PDS5B: variants seen among roughly 807,000 people sequenced by gnomAD.
PDS5B encodes PDS5 cohesin associated factor B, also known as sister chromatid cohesion protein PDS5 homolog B.
A neutral mutation model predicts 184.1 loss-of-function variants in PDS5B; 51 were observed. The observed-to-expected ratio is 0.28, with a 90% CI of 0.22 to 0.35. PDS5B has a LOEUF of 0.35. PDS5B is among the 10% of genes least tolerant of loss of function. The pLI is 1.00. For missense variants in PDS5B, 1,180 were observed against 1,723.3 expected (o/e 0.68, Z 5.58); for synonymous variants, 566 against 569.2 (o/e 0.99, Z 0.08).
intron 1 of PDS5B, among the ~76,000 whole-genome samples, chr13:32,597,694 A>C (rs1297792976): frequency 6.6e-6 from 1 of 151,846 alleles, no homozygotes; most frequent in East Asian, 1.9e-4. Context: ...AAAAAATACA[A>C]AAATTAGTTG....
intron 10 of PDS5B, among the ~76,000 whole-genome samples, chr13:32,683,059 CTGGAGTACAG>C (rs1245233478): frequency 6.6e-6 from 1 of 151,996 alleles, no homozygotes; most frequent in Non-Finnish European, 1.5e-5. Context: ...GTCACCCAGA[CTGGAGTACAG>C]TGGCACGATC....
At chr13:32,742,802 G>T in intron 23 of PDS5B, 75 bp downstream of exon 23, 14 of 1,287,314 alleles carry the variant, frequency 1.1e-5, no homozygotes, top group East Asian at 4.8e-5. Context: ...CAATGGTGCT[G>T]TTTCTTTTTC....
intron 1 of PDS5B, among the ~76,000 whole-genome samples, chr13:32,635,948 T>A (rs1170356944): frequency 6.6e-6 from 1 of 151,860 alleles, no homozygotes; most frequent in Non-Finnish European, 1.5e-5. Context: ...TTTTTGTATT[T>A]TTAGTAGAGA....
At position 32,719,355 on chromosome 13, in the gene PDS5B, G is replaced by T. The variant is rs539598115; in HGVS notation, c.2123+9249G>T. Reference sequence around the variant, plus strand: ...ATGCCACCATGCTTGTCTAAATTTTGTATTTTTTGTAGAGACAGGGTTTTG... The same window carrying T: ...ATGCCACCATGCTTGTCTAAATTTTTTATTTTTTGTAGAGACAGGGTTTTG... On this transcript the variant is annotated intron_variant, in intron 19 of 34. Coordinates refer to ENST00000315596, the MANE Select transcript of PDS5B (RefSeq NM_015032.4). Among the ~76,000 whole-genome samples the T allele has an allele frequency of 7.2e-5, 11 of 152,054 alleles. No homozygotes were observed. In the South Asian group the frequency reaches 2.3e-3, roughly 32 times the overall value.
At position 32,755,863 on chromosome 13, in the gene PDS5B, C is replaced by A; in HGVS notation, c.2963C>A (p.Pro988Gln). ...AVSEKLLSLL[P>Q]EYVVPYTIHL... is the part of the protein sequence containing the mutation. ...TCAGAAAAATTATTGTCTCTTCTAC[C>A]AGAGTATGTTGTTCCATATACAATT... is the stretch of plus-strand genomic sequence containing the variant. The change falls in exon 26 of 35, where the codon CCA becomes CAA. Residue 988 changes from proline (P) to glutamine (Q), a missense_variant. By Grantham distance (76) the Pro-to-Gln change is moderately conservative. Coordinates refer to ENST00000315596, the MANE Select transcript of PDS5B (RefSeq NM_015032.4). 7.0e-7 allele frequency: 1 copy of A among 1,431,956 alleles called. No homozygotes were observed. Among genetic ancestry groups the A allele is most frequent in the Non-Finnish European group, 9.5e-7 (1 of 1,052,006 alleles). 88.7% of individuals were successfully genotyped at this position (1,431,956 alleles called of 1,614,324 possible). A position where few individuals can be genotyped will look rare whatever the true frequency, so the allele number is the denominator to read the frequency against.
chr13:32,676,138 T>G (rs943561698), intron 9 of PDS5B, among the ~76,000 whole-genome samples, 179 bp downstream of exon 9: 2 of 152,222 alleles, frequency 1.3e-5, no homozygotes, highest in Admixed American at 6.5e-5. Flanking sequence ...CTTTTTAGTC[T>G]TTATCCTCAG....
chr13:32,693,596 A>T (rs1252614878), intron 13 of PDS5B, among the ~76,000 whole-genome samples: 1 of 151,182 alleles, frequency 6.6e-6, no homozygotes, highest in Non-Finnish European at 1.5e-5. Context: ...AGATTTCCTT[A>T]AAAATTTTTA....
chr13:32,755,802 T>C, intron 25 of PDS5B, 40 bp from the exon 26 acceptor site: 1 of 1,034,094 alleles, frequency 9.7e-7, no homozygotes, highest in Non-Finnish European at 1.4e-6. Flanking sequence ...TTGCTTTTTC[T>C]TTTGTTTTTT....
At chr13:32,599,061 C>T (rs1419916071) in intron 1 of PDS5B, among the ~76,000 whole-genome samples, 4 of 151,760 alleles carry the variant, frequency 2.6e-5, no homozygotes, top group Non-Finnish European at 5.9e-5. Context: ...TGAGCCACCA[C>T]GCCCAGCCTC....
chr13:32,719,668 A>G (rs774099668), intron 19 of PDS5B, among the ~76,000 whole-genome samples: 1 of 152,184 alleles, frequency 6.6e-6, no homozygotes, highest in Non-Finnish European at 1.5e-5. Flanking sequence ...GTGAGGAACC[A>G]CTATTTAGAT....
At chr13:32,731,779 T>G (rs1359242609) in intron 19 of PDS5B, among the ~76,000 whole-genome samples, 1 of 152,008 alleles carries the variant, frequency 6.6e-6, no homozygotes, top group Non-Finnish European at 1.5e-5. Flanking sequence ...TGGCAGAAGT[T>G]TAGCTGGAAT....
chr13:32,727,108 T>C (rs963924618), intron 19 of PDS5B, among the ~76,000 whole-genome samples: 2 of 152,160 alleles, frequency 1.3e-5, no homozygotes, highest in African/African-American at 4.8e-5. Flanking sequence ...ACCATCTTGA[T>C]AGTTTTCCTC....
At chr13:32,743,818 G>T (rs1566400830) in intron 23 of PDS5B, among the ~76,000 whole-genome samples, 1 of 151,792 alleles carries the variant, frequency 6.6e-6, no homozygotes, top group Non-Finnish European at 1.5e-5. Context: ...TCATGTCTCT[G>T]TTCCCCTAAT....
chr13:32,772,355 G>T (rs963982198), intron 33 of PDS5B, among the ~76,000 whole-genome samples: 1 of 152,160 alleles, frequency 6.6e-6, no homozygotes, highest in African/African-American at 2.4e-5. Context: ...CAAAACAGAC[G>T]TGGTACTTGT....
At chr13:32,634,153 C>G (rs901855125) in intron 1 of PDS5B, among the ~76,000 whole-genome samples, 1 of 152,072 alleles carries the variant, frequency 6.6e-6, no homozygotes. Context: ...GCTGGTATGT[C>G]TTTGTCTTTG....
chr13:32,772,670 A>G (rs1255664132), intron 33 of PDS5B, among the ~76,000 whole-genome samples: 1 of 152,164 alleles, frequency 6.6e-6, no homozygotes, highest in African/African-American at 2.4e-5. Context: ...GAGGTTTACA[A>G]AATTATTCTC....
intron 19 of PDS5B, among the ~76,000 whole-genome samples, chr13:32,716,620 G>T (rs1952432242): frequency 1.3e-5 from 2 of 149,572 alleles, no homozygotes; most frequent in Admixed American, 6.6e-5. Flanking sequence ...GGAGGTGGGG[G>T]GGTCAGCCCC....
At chr13:32,744,420 G>A (rs558685127) in intron 23 of PDS5B, among the ~76,000 whole-genome samples, 1 of 152,094 alleles carries the variant, frequency 6.6e-6, no homozygotes, top group Non-Finnish European at 1.5e-5. Context: ...GGGGGTCTCT[G>A]TCCTTTCCTT....
chr13:32,640,362 T>G (rs1276677972), intron 1 of PDS5B, among the ~76,000 whole-genome samples: 1 of 152,216 alleles, frequency 6.6e-6, no homozygotes, highest in Non-Finnish European at 1.5e-5. Flanking sequence ...TTCTCTGGCC[T>G]CAGCCTCCTG....
Sources: gnomAD v4.1 joint callset for allele counts (sites outside exome capture counted in the v4.1 genomes callset) on GRCh38, gnomAD v4.1.1 for gene constraint, MANE v1.5 for transcripts, NCBI Gene and HGNC (gene_info 2026-07-23, HGNC 2026-07-21) for gene names.